The following VAT1L variants were observed in gnomAD, a reference collection of about 807,000 sequenced individuals.
VAT1L encodes the protein putative NADPH-dependent quinone oxidoreductase VAT1L.
A neutral mutation model predicts 44.1 loss-of-function variants in VAT1L; 34 were observed. That is an observed-to-expected ratio of 0.77 (90% CI 0.59 to 1.03). The LOEUF is 1.03. Ranked by LOEUF, VAT1L falls within the 50% of genes least tolerant of loss-of-function variation. The pLI, the probability that VAT1L is intolerant of heterozygous loss-of-function variation, is 0.00. For missense variants in VAT1L, 615 were observed against 538.8 expected, an observed-to-expected ratio of 1.14 and a Z score of -1.40; for synonymous variants, 253 against 202.2, an observed-to-expected ratio of 1.25 and a Z score of -2.13.
intron 7 of VAT1L, among the ~76,000 whole-genome samples, chr16:77,932,112 T>TG (rs2142503212): frequency 1.3e-5 from 2 of 150,294 alleles, no homozygotes; most frequent in South Asian, 4.3e-4. Context: ...ATTTTTTTTT[T>TG]TTTTTTTTTG....
chr16:77,795,667 G>C (rs1447094215), intron 1 of VAT1L, among the ~76,000 whole-genome samples: 1 of 152,184 alleles, frequency 6.6e-6, no homozygotes, highest in Non-Finnish European at 1.5e-5. Flanking sequence ...ACTAGCATTA[G>C]TAGGGAATCA....
At position 77,977,778 on chromosome 16, in the gene VAT1L, C is replaced by T. The variant is rs1195692293; in HGVS notation, c.*83C>T. ...GAAAACTCTTCTGTGCCCCAGTGAA[C>T]AAATGCTGTAGTCCAGTGCGTGTCG... is the stretch of plus-strand genomic sequence containing the variant. On this transcript the variant is annotated 3_prime_UTR_variant, in exon 9 of 9. Transcript: ENST00000302536. 7.6e-7 allele frequency: 1 copy of T among 1,316,318 alleles called. No homozygotes were observed. Among genetic ancestry groups the T allele is most frequent in the African/African-American group, 1.5e-5 (1 of 68,278 alleles). The allele number at this position is 1,316,318 out of a possible 1,614,324, so 81.5% of individuals were successfully genotyped here.
chr16:77,916,554 C>G (rs1035921363), intron 7 of VAT1L, among the ~76,000 whole-genome samples: 6 of 152,156 alleles, frequency 3.9e-5, no homozygotes, highest in Admixed American at 2.6e-4. Context: ...TGGCCTCAAG[C>G]AATTCTCCCC....
chr16:77,946,355 C>T (rs2017966491), intron 7 of VAT1L, among the ~76,000 whole-genome samples: 1 of 123,256 alleles, frequency 8.1e-6, no homozygotes, highest in Admixed American at 1.1e-4. Context: ...GAGATCTCAG[C>T]TCACTGCAAG....
chr16:77,961,381 A>T (rs1262762405), intron 7 of VAT1L, among the ~76,000 whole-genome samples: 1 of 151,922 alleles, frequency 6.6e-6, no homozygotes, highest in African/African-American at 2.4e-5. Flanking sequence ...CCTCCCTCGG[A>T]TCTGTTCACC....
chr16:77,947,664 C>T lies in VAT1L; in HGVS notation c.1078-24186C>T, dbSNP rs962197922. 7.2e-5 allele frequency among the ~76,000 whole-genome samples: 11 copies of T among 152,222 alleles called. 1 individual carries two copies. Among genetic ancestry groups the T allele is most frequent in the African/African-American group, 1.2e-4 (5 of 41,456 alleles). ...GGACACCCAATAGCACTGTCACTCA[C>T]GCCCAGTCCCCTGAATGAGCAATGC... is the stretch of plus-strand genomic sequence containing the variant. On this transcript the variant is annotated intron_variant, in intron 7 of 8. Transcript: ENST00000302536.
intron 3 of VAT1L, among the ~76,000 whole-genome samples, chr16:77,844,009 A>G (rs2016733069): frequency 6.6e-6 from 1 of 152,218 alleles, no homozygotes; most frequent in Non-Finnish European, 1.5e-5. Flanking sequence ...AGGTATCTGG[A>G]ATACAATGGC....
At chr16:77,835,795 C>A (rs535575105) in intron 3 of VAT1L, among the ~76,000 whole-genome samples, 4 of 152,066 alleles carry the variant, frequency 2.6e-5, no homozygotes, top group African/African-American at 7.2e-5. Context: ...ATCACTTGAA[C>A]CCCGGAGGCG....
intron 7 of VAT1L, among the ~76,000 whole-genome samples, chr16:77,962,695 CA>C (rs1248737607): frequency 1.4e-5 from 2 of 143,166 alleles, no homozygotes; most frequent in Non-Finnish European, 3.0e-5. Context: ...CCAGCCTGCA[CA>C]ACATAGCAAG....
At chr16:77,970,548 A>C (rs1597127415) in intron 7 of VAT1L, among the ~76,000 whole-genome samples, 1 of 152,190 alleles carries the variant, frequency 6.6e-6, no homozygotes, top group Admixed American at 6.5e-5. Flanking sequence ...ATCTTCTTTA[A>C]CAACCACATA....
intron 7 of VAT1L, among the ~76,000 whole-genome samples, chr16:77,948,265 G>C (rs929271946): frequency 6.6e-6 from 1 of 152,134 alleles, no homozygotes; most frequent in African/African-American, 2.4e-5. Context: ...ATGCTGCCTG[G>C]CACATAGTAG....
chr16:77,814,035 A>T (rs946928611), intron 1 of VAT1L, among the ~76,000 whole-genome samples: 2 of 152,198 alleles, frequency 1.3e-5, no homozygotes, highest in African/African-American at 4.8e-5. Flanking sequence ...CACTTTGAAA[A>T]GATGTGATGG....
At chr16:77,852,715 T>C (rs866414716) in intron 3 of VAT1L, among the ~76,000 whole-genome samples, 1 of 152,166 alleles carries the variant, frequency 6.6e-6, no homozygotes, top group Admixed American at 6.5e-5. Flanking sequence ...GAAGAGGTGG[T>C]TCCCCTTCCT....
intron 3 of VAT1L, among the ~76,000 whole-genome samples, chr16:77,852,753 A>G (rs145822066): frequency 3.9e-5 from 6 of 152,296 alleles, no homozygotes; most frequent in Admixed American, 3.3e-4. Context: ...CAGATCCACA[A>G]CTGTCCTACA....
At chr16:77,797,252 C>T (rs567423640) in intron 1 of VAT1L, among the ~76,000 whole-genome samples, 1 of 152,100 alleles carries the variant, frequency 6.6e-6, no homozygotes, top group East Asian at 1.9e-4. Context: ...GCTGGGATTA[C>T]AGGCATGCAC....
At chr16:77,856,420 A>G (rs912612722) in intron 3 of VAT1L, among the ~76,000 whole-genome samples, 10 of 152,298 alleles carry the variant, frequency 6.6e-5, no homozygotes, top group African/African-American at 1.4e-4. Context: ...AAGAATTTCA[A>G]CTGGGCCCCA....
chr16:77,840,400 G>T (rs1468145793), intron 3 of VAT1L, among the ~76,000 whole-genome samples: 2 of 152,080 alleles, frequency 1.3e-5, no homozygotes, highest in African/African-American at 4.8e-5. Context: ...CCCAGCTGGT[G>T]GAAGGGCTGA....
intron 7 of VAT1L, among the ~76,000 whole-genome samples, chr16:77,902,989 A>G (rs994166784): frequency 4.6e-5 from 7 of 151,626 alleles, no homozygotes; most frequent in African/African-American, 9.7e-5. Context: ...AAAAAAAAAA[A>G]AGAAAGAAAA....
At chr16:77,915,400 C>G (rs551589691) in intron 7 of VAT1L, among the ~76,000 whole-genome samples, 1 of 152,302 alleles carries the variant, frequency 6.6e-6, no homozygotes, top group South Asian at 2.1e-4. Flanking sequence ...TGGCTGTGAG[C>G]ATGATCTTGA....
Sources: gnomAD v4.1 joint callset for allele counts (sites outside exome capture counted in the v4.1 genomes callset) on GRCh38, gnomAD v4.1.1 for gene constraint, MANE v1.5 for transcripts, NCBI Gene and HGNC (gene_info 2026-07-23, HGNC 2026-07-21) for gene names.